Variants in DYM observed in about 807,000 individuals in gnomAD.
DYM encodes dymeclin.
DYM carries 78 observed loss-of-function variants against 93.1 expected under a neutral mutation model. The observed-to-expected ratio is 0.84, with a 90% CI of 0.70 to 1.01. The LOEUF (loss-of-function observed/expected upper bound fraction) is 1.01, where lower values mean the gene tolerates loss of function less well. Ranked by LOEUF, DYM falls within the 50% of genes least tolerant of loss-of-function variation. The probability of loss-of-function intolerance (pLI) is 0.00; values close to 1 mark genes in which losing one functional copy is unlikely to be tolerated. For synonymous variants in DYM, 321 were observed against 319.7 expected (o/e 1.00, Z -0.04); for missense variants, 789 against 845.0 (o/e 0.93, Z 0.82).
At chr18:49,098,001 C>G (rs1290129289) in intron 16 of DYM, among the ~76,000 whole-genome samples, 1 of 151,902 alleles carries the variant, frequency 6.6e-6, no homozygotes, top group African/African-American at 2.4e-5. Context: ...TTTCCCTTAT[C>G]ATGATCACCA....
At chr18:49,362,397 C>T (rs889216518) in intron 6 of DYM, among the ~76,000 whole-genome samples, 4 of 152,112 alleles carry the variant, frequency 2.6e-5, no homozygotes. Context: ...TTGCATTGAG[C>T]TGCAGTGACA....
At chr18:49,402,310 CA>C (rs1199996781) in intron 2 of DYM, among the ~76,000 whole-genome samples, 1 of 152,028 alleles carries the variant, frequency 6.6e-6, no homozygotes, top group Non-Finnish European at 1.5e-5. Flanking sequence ...TCATTAAGCA[CA>C]AAATAAAACA....
At chr18:49,147,177 C>T (rs945975241) in intron 15 of DYM, among the ~76,000 whole-genome samples, 2 of 152,008 alleles carry the variant, frequency 1.3e-5, no homozygotes, top group Non-Finnish European at 2.9e-5. Flanking sequence ...CTTCCTTACA[C>T]CTTACACAAA....
chr18:49,090,027 A>G (rs1316103669), intron 17 of DYM, among the ~76,000 whole-genome samples: 3 of 152,222 alleles, frequency 2.0e-5, no homozygotes, highest in African/African-American at 7.2e-5. Context: ...GCACGTGTGC[A>G]TGTCAGACCA....
rs1413312043 is a variant in DYM, at chr18:49,043,386, C to T, written c.*669G>A. 1 of 152,200 alleles carries T rather than the reference C, an allele frequency of 6.6e-6. No homozygotes were observed. The highest frequency in any genetic ancestry group is 6.5e-5 in the Admixed American group (1 of 15,282). The allele number at this position is 152,200 out of a possible 1,614,324, so 9.4% of individuals were successfully genotyped here. On this transcript the variant is annotated 3_prime_UTR_variant, in exon 18 of 18. Coordinates refer to ENST00000675505, the MANE Select transcript of DYM (RefSeq NM_001353214.3). ...CTCAAGGGATTCTGCTAACTTGGCTCCCCAAAGTGCTGGGATTACAAATGT... is the reference window on the plus strand; with the variant it reads ...CTCAAGGGATTCTGCTAACTTGGCTTCCCAAAGTGCTGGGATTACAAATGT...
chr18:49,098,192 A>G (rs897623593), intron 16 of DYM, among the ~76,000 whole-genome samples: 1 of 152,246 alleles, frequency 6.6e-6, no homozygotes, highest in African/African-American at 2.4e-5. Flanking sequence ...CAATGTTCAT[A>G]AATCAAGAAG....
At chr18:49,047,474 CT>C (rs1032276980) in intron 17 of DYM, among the ~76,000 whole-genome samples, 1 of 152,214 alleles carries the variant, frequency 6.6e-6, no homozygotes, top group African/African-American at 2.4e-5. Context: ...CCAGCACTTG[CT>C]GACACGAGTC....
At chr18:49,335,812 C>CTTTTTTTTTTTTTTTTTTTTT (rs35594525) in intron 6 of DYM, among the ~76,000 whole-genome samples, 2 of 147,208 alleles carry the variant, frequency 1.4e-5, no homozygotes. Flanking sequence ...CGTTTTCTGT[C>CTTTTTTTTTTTTTTTTTTTTT]TTTTTTTTTT....
intron 15 of DYM, among the ~76,000 whole-genome samples, chr18:49,145,134 T>TATATATATATATAA (rs1555778609): frequency 0.015 from 1,189 of 79,298 alleles, 127 homozygotes; most frequent in Middle Eastern, 0.026. Context: ...TATATATATA[T>TATATATATATATAA]AATTTATATA....
At chr18:49,109,586 G>A (rs539460638) in intron 16 of DYM, among the ~76,000 whole-genome samples, 11 of 152,266 alleles carry the variant, frequency 7.2e-5, no homozygotes, top group African/African-American at 2.2e-4. Flanking sequence ...GGTCAGAGAC[G>A]GAGGGAAGTT....
chr18:49,284,783 A>G (rs2095082113), intron 9 of DYM, among the ~76,000 whole-genome samples: 1 of 152,154 alleles, frequency 6.6e-6, no homozygotes, highest in Non-Finnish European at 1.5e-5. Flanking sequence ...ATACTAACAG[A>G]TACACCAGTT....
chr18:49,153,608 C>T (rs552844581), intron 15 of DYM, among the ~76,000 whole-genome samples: 1 of 152,126 alleles, frequency 6.6e-6, no homozygotes, highest in African/African-American at 2.4e-5. Flanking sequence ...ACAATGTGAG[C>T]AACAGAATAA....
At chr18:49,383,492 C>G (rs2068253424) in intron 3 of DYM, among the ~76,000 whole-genome samples, 2 of 152,086 alleles carry the variant, frequency 1.3e-5, no homozygotes, top group South Asian at 4.1e-4. Context: ...TTCTTGGGCT[C>G]TATAAATTAG....
At chr18:49,208,827 G>T (rs532241976) in intron 14 of DYM, 1 of 145,754 alleles carries the variant, frequency 6.9e-6, no homozygotes, top group Non-Finnish European at 1.5e-5. Flanking sequence ...AAAAAAAAAC[G>T]TGTTAAAAAT....
chr18:49,321,029 TAC>T, intron 8 of DYM: 1 of 198,496 alleles, frequency 5.0e-6, no homozygotes, highest in East Asian at 1.1e-4. Flanking sequence ...AATAAAAGTT[TAC>T]ACTCACTTGA....
At chr18:49,243,365 C>G (rs753762278) in intron 13 of DYM, among the ~76,000 whole-genome samples, 2 of 152,152 alleles carry the variant, frequency 1.3e-5, no homozygotes, top group East Asian at 3.9e-4. Flanking sequence ...AAATACTCCA[C>G]GAAGAAATCA....
At chr18:49,269,557 C>T (rs534557312) in intron 11 of DYM, among the ~76,000 whole-genome samples, 1 of 152,242 alleles carries the variant, frequency 6.6e-6, no homozygotes, top group South Asian at 2.1e-4. Flanking sequence ...CCAGAGAGTC[C>T]GTCGACAGAC....
At chr18:49,048,474 A>T (rs1011808175) in intron 17 of DYM, 5 of 152,242 alleles carry the variant, frequency 3.3e-5, no homozygotes, top group African/African-American at 1.2e-4. Flanking sequence ...AAGATGTGAA[A>T]GCTTTTCTCC....
intron 17 of DYM, among the ~76,000 whole-genome samples, chr18:49,084,121 T>C (rs958530174): frequency 5.3e-5 from 8 of 152,196 alleles, no homozygotes; most frequent in African/African-American, 1.7e-4. Flanking sequence ...TTTAAAGTTA[T>C]AAATTTTCCT....
Sources: gnomAD v4.1 joint callset for allele counts (sites outside exome capture counted in the v4.1 genomes callset) on GRCh38, gnomAD v4.1.1 for gene constraint, MANE v1.5 for transcripts, NCBI Gene and HGNC (gene_info 2026-07-23, HGNC 2026-07-21) for gene names.